Variants in CDCP1 observed in about 807,000 individuals in gnomAD.
CDCP1 encodes CUB domain-containing protein 1.
CDCP1 carries 29 observed loss-of-function variants against 60.2 expected under a neutral mutation model. The ratio of observed to expected loss-of-function variants is 0.48; its 90% CI spans 0.36 to 0.66. CDCP1 has a LOEUF of 0.66. CDCP1 is among the 30% of genes least tolerant of loss of function. The probability of loss-of-function intolerance (pLI) is 0.00; values close to 1 mark genes in which losing one functional copy is unlikely to be tolerated. For synonymous variants in CDCP1, 387 were observed against 431.1 expected (o/e 0.90, Z 1.27); for missense variants, 876 against 1,074.3 (o/e 0.82, Z 2.58).
intron 1 of CDCP1, among the ~76,000 whole-genome samples, chr3:45,144,581 T>C (rs1699348150): frequency 6.6e-6 from 1 of 152,176 alleles, no homozygotes; most frequent in African/African-American, 2.4e-5. Context: ...CCTTCCCAGA[T>C]CACAGGGAGA....
Position 45,112,154 on chromosome 3 carries a change from G to A in CDCP1, c.584C>T (p.Ala195Val), listed in dbSNP as rs746508296. 5 of 1,614,158 alleles carry A rather than the reference G, an allele frequency of 3.1e-6. No individual in the cohort carries two copies. In the South Asian group the frequency reaches 5.5e-5, roughly 18 times the overall value. ...RIKMQEGVKM[A>V]LHLPWFHPRN... ...GGGGTGGAACCATGGGAGGTGTAAG[G>A]CCATTTTCACTCCTTCTTGCATCTT... The change falls in exon 3 of 9, where the codon GCC becomes GTC. Residue 195 changes from alanine to valine, a missense_variant. Ala to Val is a moderately conservative substitution (Grantham distance 64, BLOSUM62 0). Around this residue, in one of 2 missense-constraint regions of CDCP1, gnomAD observed 726 missense variants for 935.7 expected, o/e 0.78. Transcript: ENST00000296129.
intron 1 of CDCP1, among the ~76,000 whole-genome samples, chr3:45,121,247 T>G (rs1172686274): frequency 6.6e-6 from 1 of 152,240 alleles, no homozygotes; most frequent in Non-Finnish European, 1.5e-5. Context: ...AAGTTTTATT[T>G]GCTCAAATGC....
At chr3:45,096,495 C>T (rs1045103297) in intron 4 of CDCP1, among the ~76,000 whole-genome samples, 2 of 151,570 alleles carry the variant, frequency 1.3e-5, no homozygotes, top group African/African-American at 4.9e-5. Flanking sequence ...TGTGGTGGTA[C>T]ATGCCTGTAA....
Position 45,091,532 on chromosome 3 carries a change from C to T in CDCP1, c.1634G>A (p.Gly545Asp). The T allele has an allele frequency of 6.3e-7, 1 of 1,598,728 alleles. No homozygotes were observed. The highest frequency in any genetic ancestry group is 8.5e-7 in the Non-Finnish European group (1 of 1,173,306). Residue 545 changes from glycine to aspartate, a missense_variant, in exon 7 of 9, where the codon GGC becomes GAC. Gly to Asp is a moderately conservative substitution (Grantham distance 94, BLOSUM62 -1). This residue lies in a region of CDCP1 where 726 missense variants were observed against 935.7 expected (regional missense o/e 0.78). Transcript: ENST00000296129. The surrounding 1 kb of genome is among the most constrained non-coding windows in gnomAD (Gnocchi z 4.8). ...VSFIPYFKEEGVFTVTPDTKS... is the reference protein window; with the variant it reads ...VSFIPYFKEEDVFTVTPDTKS... ...TGTGTCAGGGGTCACCGTGAAAACGCCTTCCTCTGCAGGAAAGGGAGGGAG... is the reference window on the plus strand; with the variant it reads ...TGTGTCAGGGGTCACCGTGAAAACGTCTTCCTCTGCAGGAAAGGGAGGGAG...
chr3:45,114,176 G>C (rs532690467), intron 2 of CDCP1, among the ~76,000 whole-genome samples: 1 of 152,196 alleles, frequency 6.6e-6, no homozygotes, highest in Non-Finnish European at 1.5e-5. Flanking sequence ...GACACTGTGA[G>C]AGTCAGGTTA....
intron 4 of CDCP1, among the ~76,000 whole-genome samples, chr3:45,103,151 C>T (rs1342667220): frequency 6.6e-6 from 1 of 152,160 alleles, no homozygotes; most frequent in African/African-American, 2.4e-5. Context: ...AACTTCCCAT[C>T]CCCTAAAAGG....
intron 4 of CDCP1, among the ~76,000 whole-genome samples, chr3:45,107,282 C>T (rs1387844851): frequency 6.6e-6 from 1 of 151,952 alleles, no homozygotes; most frequent in Admixed American, 6.6e-5. Context: ...TATTGGCTCA[C>T]CACAACCTCC....
At chr3:45,120,096 T>C (rs1197708081) in intron 1 of CDCP1, among the ~76,000 whole-genome samples, 1 of 152,224 alleles carries the variant, frequency 6.6e-6, no homozygotes, top group Non-Finnish European at 1.5e-5. Context: ...CTGAATGACA[T>C]CTGAGTCCTC....
chr3:45,143,833 G>T (rs1437336665), intron 1 of CDCP1, among the ~76,000 whole-genome samples: 1 of 152,102 alleles, frequency 6.6e-6, no homozygotes, highest in Non-Finnish European at 1.5e-5. Context: ...GTGGGGATGT[G>T]GGGGAGGAGA....
intron 1 of CDCP1, among the ~76,000 whole-genome samples, chr3:45,126,398 G>C (rs1315911018): frequency 6.6e-6 from 1 of 151,992 alleles, no homozygotes. Context: ...GCCTGCTGTG[G>C]GAGGGGTGGG....
chr3:45,112,216 G>A lies in CDCP1; in HGVS notation c.522C>T (p.Ile174=), dbSNP rs35501071. The change falls in exon 3 of 9, where the codon ATC becomes ATT. Residue 174 remains isoleucine, a synonymous_variant. Coordinates refer to ENST00000296129, the MANE Select transcript of CDCP1 (RefSeq NM_022842.5). ...CAGTGCCATTGCTGCAGAAGGTTCC[G>A]ATCCTGACCACGGTGGCATCGATTC... ...SGRIDATVVR[I]GTFCSNGTVS... is the part of the protein sequence containing the mutation. 269,850 of 1,614,042 alleles carry A rather than the reference G, an allele frequency of 0.17. 23,543 individuals carry two copies. The highest frequency in any genetic ancestry group is 0.24 in the Middle Eastern group (1,459 of 6,062).
intron 4 of CDCP1, chr3:45,110,229 A>G: frequency 7.3e-7 from 1 of 1,374,760 alleles, no homozygotes. Flanking sequence ...GTTAAAAACA[A>G]TTTAGCATCT....
At chr3:45,104,623 T>C (rs925002932) in intron 4 of CDCP1, among the ~76,000 whole-genome samples, 8 of 152,226 alleles carry the variant, frequency 5.3e-5, no homozygotes, top group Non-Finnish European at 4.4e-5. Context: ...ATGACTATTG[T>C]TATTTTACAG....
intron 1 of CDCP1, among the ~76,000 whole-genome samples, chr3:45,125,656 A>T (rs185180558): frequency 3.9e-5 from 6 of 152,368 alleles, no homozygotes; most frequent in East Asian, 3.9e-4. Context: ...CAACTATAGC[A>T]GCAGTTTGGC....
At chr3:45,088,639 C>T (rs961078569) in intron 8 of CDCP1, among the ~76,000 whole-genome samples, 6 of 152,174 alleles carry the variant, frequency 3.9e-5, no homozygotes, top group Non-Finnish European at 8.8e-5. Context: ...TAAGAAACTG[C>T]AGGAGAACAA....
chr3:45,108,914 TATATATATATATGCATGTATAC>T (rs1387898056), intron 4 of CDCP1, among the ~76,000 whole-genome samples: 7 of 61,362 alleles, frequency 1.1e-4, no homozygotes, highest in African/African-American at 4.1e-4. Context: ...CATGTATACA[TATATATATATATGCATGTATAC>T]ATATATATAT....
chr3:45,124,269 C>T (rs1271623329), intron 1 of CDCP1, among the ~76,000 whole-genome samples: 1 of 152,150 alleles, frequency 6.6e-6, no homozygotes, highest in East Asian at 1.9e-4. Context: ...TCATTTTTCT[C>T]CCAGATCTGT....
At position 45,104,187 on chromosome 3, in the gene CDCP1, C is replaced by T. The variant is rs912428980; in HGVS notation, c.1024+6286G>A. Among the ~76,000 whole-genome samples, 38 of 152,306 alleles carry T rather than the reference C, an allele frequency of 2.5e-4. 1 individual carries two copies. The highest frequency in any genetic ancestry group is 1.7e-3 in the East Asian group (9 of 5,196). ...GGACTGTGGTGAGATACCTCATGTCCCAGCTAAAACAGAAGCCCAGTTTAT... is the reference window on the plus strand; with the variant it reads ...GGACTGTGGTGAGATACCTCATGTCTCAGCTAAAACAGAAGCCCAGTTTAT... On this transcript the variant is annotated intron_variant, in intron 4 of 8. Coordinates refer to ENST00000296129, the MANE Select transcript of CDCP1 (RefSeq NM_022842.5).
chr3:45,124,853 G>A (rs1299891767), intron 1 of CDCP1, among the ~76,000 whole-genome samples: 1 of 152,116 alleles, frequency 6.6e-6, no homozygotes, highest in African/African-American at 2.4e-5. Context: ...CCACCCCAAG[G>A]GGACACACAC....
Sources: allele counts gnomAD v4.1 joint callset (sites outside exome capture counted in the v4.1 genomes callset), GRCh38; gene constraint gnomAD v4.1.1; regional missense constraint gnomAD v4.1.1; non-coding constraint Gnocchi (gnomAD v3.1); transcripts MANE v1.5; gene names NCBI Gene and HGNC (gene_info 2026-07-23, HGNC 2026-07-21).